CCDC85C: variants seen among roughly 807,000 people sequenced by gnomAD.
The protein encoded by CCDC85C is coiled-coil domain-containing protein 85C.
A neutral mutation model predicts 38.3 loss-of-function variants in CCDC85C; 18 were observed. The ratio of observed to expected loss-of-function variants is 0.47; its 90% CI spans 0.33 to 0.70. The LOEUF is 0.70. CCDC85C is among the 30% of genes least tolerant of loss of function. The probability of loss-of-function intolerance (pLI) is 0.03; values close to 1 mark genes in which losing one functional copy is unlikely to be tolerated. For synonymous variants in CCDC85C, 264 were observed against 293.8 expected (o/e 0.90, Z 1.04); for missense variants, 566 against 621.2 (o/e 0.91, Z 0.94).
In CCDC85C at chr14:99,510,113, C is replaced by A; in HGVS notation, c.*5133G>T. ...GGCCAGGAGGCACTGAAAAAGCAAC[C>A]ATTGCTGGCGGAGGCCGGGCACTGA... On this transcript the variant is annotated 3_prime_UTR_variant, in exon 6 of 6. Coordinates refer to ENST00000380243, the MANE Select transcript of CCDC85C (RefSeq NM_001144995.2). 6.4e-7 allele frequency: 1 copy of A among 1,551,950 alleles called. No individual in the cohort carries two copies.
At chr14:99,526,013 C>T (rs12895608) in intron 2 of CCDC85C, among the ~76,000 whole-genome samples, 1 of 152,212 alleles carries the variant, frequency 6.6e-6, no homozygotes, top group Non-Finnish European at 1.5e-5. Context: ...CCACAGTGGA[C>T]AGCAACGCAG....
chr14:99,550,605 G>A (rs896168951), intron 1 of CCDC85C, among the ~76,000 whole-genome samples: 3 of 152,136 alleles, frequency 2.0e-5, no homozygotes, highest in Non-Finnish European at 2.9e-5. Flanking sequence ...TCTGAGCCTC[G>A]GTTTCACTTA....
At chr14:99,536,990 G>A (rs986734551) in intron 1 of CCDC85C, among the ~76,000 whole-genome samples, 2 of 152,294 alleles carry the variant, frequency 1.3e-5, no homozygotes, top group East Asian at 1.9e-4. Context: ...AGGCAGGAAC[G>A]GGACCCAGAA....
chr14:99,520,102 G>A lies in CCDC85C; in HGVS notation c.975+2031C>T, dbSNP rs1897281800. On this transcript the variant is annotated intron_variant, in intron 3 of 5. Coordinates refer to ENST00000380243, the MANE Select transcript of CCDC85C (RefSeq NM_001144995.2). This position sits in a 1 kb window ranked among gnomAD's most constrained non-coding sequence, Gnocchi z 4.1. The stretch of plus-strand genomic sequence containing the variant: ...ATGGGCAGCAGTGGGCAGGGAGGGG[G>A]TGTCCACCCCAGAGAGTCACCTGCT... 2.0e-5 allele frequency among the ~76,000 whole-genome samples: 3 copies of A among 152,314 alleles called. No individual in the cohort carries two copies. The highest frequency in any genetic ancestry group is 2.1e-4 in the South Asian group (1 of 4,832).
rs753191271 is a variant in CCDC85C at position 99,510,299 on chromosome 14, C to A, written c.*4947G>T. 7 of 1,543,476 alleles carry A rather than the reference C, an allele frequency of 4.5e-6. No individual in the cohort carries two copies. Among genetic ancestry groups the A allele is most frequent in the Non-Finnish European group, 6.2e-6 (7 of 1,128,810 alleles). On this transcript the variant is annotated 3_prime_UTR_variant, in exon 6 of 6. Transcript: ENST00000380243. Reference sequence around the variant, plus strand: ...AGCCACCGCCGCTGCCACACCGGCCCCCGCCCCCACCCCCCTCCAGCTACA... The same window carrying A: ...AGCCACCGCCGCTGCCACACCGGCCACCGCCCCCACCCCCCTCCAGCTACA...
intron 2 of CCDC85C, among the ~76,000 whole-genome samples, chr14:99,527,451 G>T (rs1462249167): frequency 6.6e-6 from 1 of 152,200 alleles, no homozygotes. Context: ...TCAGGACGGG[G>T]AGAAGGGGAC....
At position 99,504,034 on chromosome 14, in the gene CCDC85C, C is replaced by A; in HGVS notation, c.*11212G>T. ...GGGGGCAGTAGGGGGTGGTGTGCTG[C>A]CCGGACAGCACCAGCCCGGCCCAGC... On this transcript the variant is annotated 3_prime_UTR_variant, in exon 6 of 6. Coordinates refer to ENST00000380243, the MANE Select transcript of CCDC85C (RefSeq NM_001144995.2). The A allele has an allele frequency of 2.7e-6, 1 of 371,116 alleles. No individual in the cohort carries two copies. The highest frequency in any genetic ancestry group is 2.0e-5 in the South Asian group (1 of 49,580). The allele number at this position is 371,116 out of a possible 1,614,324, so 23.0% of individuals were successfully genotyped here. A position where few individuals can be genotyped will look rare whatever the true frequency, so the allele number is the denominator to read the frequency against.
At chr14:99,595,400 C>G (rs2055132612) in intron 1 of CCDC85C, among the ~76,000 whole-genome samples, 1 of 152,140 alleles carries the variant, frequency 6.6e-6, no homozygotes, top group Non-Finnish European at 1.5e-5. Flanking sequence ...GCGCGTGCCA[C>G]CACACCTGGT....
At chr14:99,571,123 A>G (rs1439621273) in intron 1 of CCDC85C, among the ~76,000 whole-genome samples, 3 of 152,138 alleles carry the variant, frequency 2.0e-5, no homozygotes, top group Non-Finnish European at 4.4e-5. Flanking sequence ...CACGGGAAGG[A>G]GGAATGAAGA....
At chr14:99,537,557 G>T (rs1174545077) in intron 1 of CCDC85C, among the ~76,000 whole-genome samples, 2 of 152,114 alleles carry the variant, frequency 1.3e-5, no homozygotes, top group Non-Finnish European at 2.9e-5. Context: ...CGGCCCGGCC[G>T]CACTCACTGC....
intron 1 of CCDC85C, among the ~76,000 whole-genome samples, chr14:99,578,788 C>T (rs1427616037): frequency 6.6e-6 from 1 of 152,184 alleles, no homozygotes; most frequent in Non-Finnish European, 1.5e-5. Flanking sequence ...CTGCCCCAGC[C>T]CCCTTCCAAG....
intron 1 of CCDC85C, among the ~76,000 whole-genome samples, chr14:99,582,112 C>A (rs372699682): frequency 6.6e-6 from 1 of 152,286 alleles, no homozygotes; most frequent in East Asian, 1.9e-4. Context: ...CCACACCCAG[C>A]GGGGGCGGGG....
Position 99,503,317 on chromosome 14 carries a change from C to G in CCDC85C, c.*11929G>C. On this transcript the variant is annotated 3_prime_UTR_variant, in exon 6 of 6. Transcript: ENST00000380243. ...TTCTGTGCAGCTGCCTGACCCCAAA[C>G]AGTGGACCGTTTCCTGCACCCAAGT... The G allele has an allele frequency of 1.7e-6, 1 of 604,326 alleles. No homozygotes were observed. Among genetic ancestry groups the G allele is most frequent in the Non-Finnish European group, 3.0e-6 (1 of 338,630 alleles). The allele number at this position is 604,326 out of a possible 1,614,324, so 37.4% of individuals were successfully genotyped here.
At chr14:99,590,389 CA>C (rs1243086087) in intron 1 of CCDC85C, among the ~76,000 whole-genome samples, 2 of 152,150 alleles carry the variant, frequency 1.3e-5, no homozygotes, top group Non-Finnish European at 2.9e-5. Flanking sequence ...GCAGGCTCAC[CA>C]GAAACCCTCA....
intron 1 of CCDC85C, among the ~76,000 whole-genome samples, chr14:99,546,064 G>C (rs1023137910): frequency 7.2e-5 from 11 of 152,136 alleles, no homozygotes; most frequent in South Asian, 4.2e-4. Context: ...GCATGGGGGG[G>C]GGGAATAAAC....
rs1197403376 is a variant in CCDC85C at position 99,504,893 on chromosome 14, G to C, written c.*10353C>G. 3 of 152,308 alleles carry C rather than the reference G, an allele frequency of 2.0e-5. No individual in the cohort carries two copies. The highest frequency in any genetic ancestry group is 4.4e-5 in the Non-Finnish European group (3 of 68,102). The allele number at this position is 152,308 out of a possible 1,614,324, so 9.4% of individuals were successfully genotyped here. On this transcript the variant is annotated 3_prime_UTR_variant, in exon 6 of 6. Coordinates refer to ENST00000380243, the MANE Select transcript of CCDC85C (RefSeq NM_001144995.2). Reference sequence around the variant, plus strand: ...CAGGAAACAAACTATATATGACCTTGAAGGAAGAGTTGCATTTGAGCAGCG... The same window carrying C: ...CAGGAAACAAACTATATATGACCTTCAAGGAAGAGTTGCATTTGAGCAGCG...
intron 3 of CCDC85C, among the ~76,000 whole-genome samples, chr14:99,521,047 A>C (rs1216998594): frequency 6.6e-6 from 1 of 152,184 alleles, no homozygotes; most frequent in Non-Finnish European, 1.5e-5. Context: ...AGCACTTCCC[A>C]ACCTGCAGGC....
intron 1 of CCDC85C, among the ~76,000 whole-genome samples, chr14:99,546,038 C>T (rs559785133): frequency 8.7e-5 from 13 of 149,694 alleles, no homozygotes; most frequent in South Asian, 2.1e-4. Context: ...CAACTAATCG[C>T]GCAGGACTGA....
rs1432674055 is a variant in CCDC85C, at chr14:99,505,128, G to T, written c.*10118C>A. 6.6e-6 allele frequency: 1 copy of T among 152,358 alleles called. No individual in the cohort carries two copies. The highest frequency in any genetic ancestry group is 2.4e-5 in the African/African-American group (1 of 41,476). The allele number at this position is 152,358 out of a possible 1,614,324, so 9.4% of individuals were successfully genotyped here. On this transcript the variant is annotated 3_prime_UTR_variant, in exon 6 of 6. Transcript: ENST00000380243. ...GGCAGAGGCAAGGGAAGCCATTGGA[G>T]ATTTAGCAGGGGAATGGCAGAGTCT... is the stretch of plus-strand genomic sequence containing the variant.
Sources: allele counts gnomAD v4.1 joint callset (sites outside exome capture counted in the v4.1 genomes callset), GRCh38; gene constraint gnomAD v4.1.1; non-coding constraint Gnocchi (gnomAD v3.1); transcripts MANE v1.5; gene names NCBI Gene and HGNC (gene_info 2026-07-23, HGNC 2026-07-21).